The following ZNF45 variants were observed in gnomAD, a reference collection of about 807,000 sequenced individuals.
ZNF45 encodes the protein BRC1744.
In ZNF45, 4 loss-of-function variants were observed where a neutral mutation model predicts 12.0. The ratio of observed to expected loss-of-function variants is 0.33; its 90% CI spans 0.16 to 0.76. ZNF45 has a LOEUF of 0.76. Among genes scored for constraint, ZNF45 ranks in the 30% least tolerant of loss-of-function variants. The pLI is 0.60. For missense variants in ZNF45, 700 were observed against 813.0 expected (o/e 0.86, Z 1.69); for synonymous variants, 272 against 279.6 (o/e 0.97, Z 0.27).
At chr19:43,921,269 TG>T (rs1368688166) in intron 7 of ZNF45, among the ~76,000 whole-genome samples, 10 of 152,366 alleles carry the variant, frequency 6.6e-5, no homozygotes, top group African/African-American at 2.4e-4. Context: ...GACCAAGGAC[TG>T]CCTCATAAAG....
intron 9 of ZNF45, 107 bp downstream of exon 9, chr19:43,918,762 GA>G (rs939431236): frequency 9.5e-5 from 80 of 841,922 alleles, no homozygotes; most frequent in African/African-American, 6.8e-4. Flanking sequence ...TCATCAGGGG[GA>G]AAAAAACTGT....
chr19:43,921,541 A>T (rs960271499), intron 7 of ZNF45, among the ~76,000 whole-genome samples: 3 of 152,210 alleles, frequency 2.0e-5, no homozygotes, highest in African/African-American at 7.2e-5. Context: ...TGAATCATTG[A>T]CATAGGAACT....
rs550471505 is a variant in ZNF45 at position 43,926,960 on chromosome 19, T to G, written c.-399-1502A>C. On this transcript the variant is annotated intron_variant, in intron 3 of 9. Coordinates refer to ENST00000269973, the MANE Select transcript of ZNF45 (RefSeq NM_003425.4). ...CTTCTGGAAAGGAGAGTAAAAAGAT[T>G]CCTTTCATGTTAGAAACAGATTACC... Among the ~76,000 whole-genome samples the G allele has an allele frequency of 1.4e-4, 22 of 152,212 alleles. No homozygotes were observed. The South Asian group carries it at 4.6e-3, about 32-fold the overall frequency.
chr19:43,923,219 A>G (rs903603188), intron 6 of ZNF45, among the ~76,000 whole-genome samples: 1 of 152,002 alleles, frequency 6.6e-6, no homozygotes, highest in Non-Finnish European at 1.5e-5. Flanking sequence ...TCCCATACTT[A>G]ATTTGAGGCT....
In ZNF45 at chr19:43,914,969, C is replaced by T. The variant is rs1156968319; in HGVS notation, c.467G>A (p.Arg156Lys). 4.4e-6 allele frequency: 7 copies of T among 1,605,736 alleles called. No homozygotes were observed. The East Asian group carries it at 1.1e-4, about 26-fold the overall frequency. Reference protein sequence around the residue: ...SNQSSHLQVHRVHTGEKPYKG... With the variant: ...SNQSSHLQVHKVHTGEKPYKG... ...GTAGGGTTTTTCACCAGTGTGGACT[C>T]TGTGAACTTGAAGATGGGAACTCTG... is the stretch of plus-strand genomic sequence containing the variant. The change falls in exon 10 of 10, where the codon AGA becomes AAA. Residue 156 changes from arginine to lysine, a missense_variant. Arg to Lys is a conservative substitution (Grantham distance 26). Coordinates refer to ENST00000269973, the MANE Select transcript of ZNF45 (RefSeq NM_003425.4).
rs757105519 is a variant in ZNF45 at position 43,913,761 on chromosome 19, C to G, written c.1675G>C (p.Glu559Gln). The G allele has an allele frequency of 3.1e-6, 5 of 1,614,084 alleles. No homozygotes were observed. In the Admixed American group the frequency reaches 5.0e-5, roughly 16 times the overall value. ...CGACAGAAGCCCTTCCCACACTCCT[C>G]ACATTGATAGGGTTTCTCTCCAGTG... ...CHTGEKPYQCEECGKGFCRAS... is the reference protein window; with the variant it reads ...CHTGEKPYQCQECGKGFCRAS... Residue 559 changes from glutamate (E) to glutamine (Q), a missense_variant, in exon 10 of 10, where the codon GAG becomes CAG. Transcript: ENST00000269973.
At position 43,913,369 on chromosome 19, in the gene ZNF45, G is replaced by T. The variant is rs894193743; in HGVS notation, c.*18C>A. On this transcript the variant is annotated 3_prime_UTR_variant, in exon 10 of 10. Transcript: ENST00000269973. ...TATTAAAATATTTCAGCACCCATCTGAGATAGTAAAACATATTTTATCGAG... is the reference window on the plus strand; with the variant it reads ...TATTAAAATATTTCAGCACCCATCTTAGATAGTAAAACATATTTTATCGAG... The T allele has an allele frequency of 6.6e-7, 1 of 1,525,278 alleles. No homozygotes were observed. The highest frequency in any genetic ancestry group is 8.8e-7 in the Non-Finnish European group (1 of 1,138,648). The allele number at this position is 1,525,278 out of a possible 1,614,324, so 94.5% of individuals were successfully genotyped here. A position where few individuals can be genotyped will look rare whatever the true frequency, so the allele number is the denominator to read the frequency against.
At position 43,913,679 on chromosome 19, in the gene ZNF45, C is replaced by T. The variant is rs1301743120; in HGVS notation, c.1757G>A (p.Cys586Tyr). 1 of 1,613,380 alleles carries T rather than the reference C, an allele frequency of 6.2e-7. No individual in the cohort carries two copies. The highest frequency in any genetic ancestry group is 8.5e-7 in the Non-Finnish European group (1 of 1,179,914). The change falls in exon 10 of 10, where the codon TGT becomes TAT. Residue 586 changes from cysteine to tyrosine, a missense_variant. Coordinates refer to ENST00000269973, the MANE Select transcript of ZNF45 (RefSeq NM_003425.4). ...GVHTGEKPYR[C>Y]DVCGKRFRQR... ...TCTGAAGCGCTTACCACACACATCA[C>T]ATCGGTATGGTTTTTCTCCTGTGTG...
chr19:43,915,261 C>A, intron 9 of ZNF45, 61 bp from the exon 10 acceptor site: 2 of 1,429,986 alleles, frequency 1.4e-6, no homozygotes, highest in South Asian at 1.8e-5. Flanking sequence ...TCCAAGATGT[C>A]AAGTTTATAA....
At chr19:43,931,079 T>C (rs1299667145) in intron 3 of ZNF45, among the ~76,000 whole-genome samples, 1 of 152,132 alleles carries the variant, frequency 6.6e-6, no homozygotes, top group African/African-American at 2.4e-5. Flanking sequence ...ATATAGACTA[T>C]ATAATCATCT....
At chr19:43,915,665 G>A (rs566483459) in intron 9 of ZNF45, among the ~76,000 whole-genome samples, 3 of 152,056 alleles carry the variant, frequency 2.0e-5, no homozygotes, top group South Asian at 2.1e-4. Context: ...ATAGGAGTGC[G>A]AATCCTATCG....
In ZNF45 at chr19:43,927,813, C is replaced by A. The variant is rs531685919; in HGVS notation, c.-399-2355G>T. On this transcript the variant is annotated intron_variant, in intron 3 of 9. Transcript: ENST00000269973. Reference sequence around the variant, plus strand: ...CAAAGACATGGAATCAACCTAAATGCCCGTCGATAGCAGTCTGGATAAAGA... The same window carrying A: ...CAAAGACATGGAATCAACCTAAATGACCGTCGATAGCAGTCTGGATAAAGA... Among the ~76,000 whole-genome samples the A allele has an allele frequency of 2.6e-5, 4 of 152,096 alleles. No individual in the cohort carries two copies. The South Asian group carries it at 8.3e-4, about 32-fold the overall frequency.
At chr19:43,927,679 T>C (rs1973799388) in intron 3 of ZNF45, among the ~76,000 whole-genome samples, 1 of 152,132 alleles carries the variant, frequency 6.6e-6, no homozygotes, top group Non-Finnish European at 1.5e-5. Context: ...AGACCTCAAA[T>C]ATAGGAAGAG....
At chr19:43,916,689 C>A (rs1972711098) in intron 9 of ZNF45, among the ~76,000 whole-genome samples, 1 of 152,098 alleles carries the variant, frequency 6.6e-6, no homozygotes, top group South Asian at 2.1e-4. Flanking sequence ...AAAAGAATTC[C>A]CACTTGTCTT....
chr19:43,918,552 C>T (rs1182980411), intron 9 of ZNF45, among the ~76,000 whole-genome samples: 2 of 152,096 alleles, frequency 1.3e-5, no homozygotes, highest in African/African-American at 4.8e-5. Context: ...GGAAGTGGGC[C>T]CTCAGCAGAC....
chr19:43,920,565 A>C (rs1599773380), intron 7 of ZNF45, among the ~76,000 whole-genome samples: 7 of 110,534 alleles, frequency 6.3e-5, no homozygotes, highest in Non-Finnish European at 9.2e-5. Context: ...CGGTAAAGTC[A>C]CCCATGATAA....
intron 9 of ZNF45, among the ~76,000 whole-genome samples, chr19:43,917,749 G>T (rs1394826919): frequency 6.6e-6 from 1 of 152,138 alleles, no homozygotes; most frequent in Admixed American, 6.5e-5. Flanking sequence ...GCCTCCCAAA[G>T]TGCTGGGATT....
At chr19:43,918,213 A>G (rs1972847785) in intron 9 of ZNF45, among the ~76,000 whole-genome samples, 1 of 152,232 alleles carries the variant, frequency 6.6e-6, no homozygotes, top group African/African-American at 2.4e-5. Context: ...AAACGTGGCT[A>G]TGAGAACCTT....
intron 3 of ZNF45, chr19:43,926,199 A>T (rs1973660446): frequency 6.6e-6 from 1 of 152,232 alleles, no homozygotes; most frequent in African/African-American, 2.4e-5. Flanking sequence ...TAGGAAGACT[A>T]GACTAGTTGG....
Sources: gnomAD v4.1 joint callset for allele counts (sites outside exome capture counted in the v4.1 genomes callset) on GRCh38, gnomAD v4.1.1 for gene constraint, MANE v1.5 for transcripts, NCBI Gene and HGNC (gene_info 2026-07-23, HGNC 2026-07-21) for gene names.